Variants in NCF2 observed in about 807,000 individuals in gnomAD.
The protein encoded by NCF2 is neutrophil cytosolic factor 2.
A neutral mutation model predicts 70.9 loss-of-function variants in NCF2; 45 were observed. The observed-to-expected ratio is 0.63, with a 90% CI of 0.50 to 0.81. NCF2 has a LOEUF of 0.81. Among genes scored for constraint, NCF2 ranks in the 40% least tolerant of loss-of-function variants. The pLI is 0.00. For missense variants in NCF2, 522 were observed against 631.6 expected (o/e 0.83, Z 1.86); for synonymous variants, 203 against 233.6 (o/e 0.87, Z 1.19).
chr1:183,595,977 C>T, the NCF2 span, among the ~76,000 whole-genome samples: 1 of 152,082 alleles, frequency 6.6e-6, no homozygotes, highest in Non-Finnish European at 1.5e-5. Context: ...CCTGACTTAC[C>T]AGTGAGATTA....
At chr1:183,558,654 T>C (rs1420462834) in intron 14 of NCF2, among the ~76,000 whole-genome samples, 1 of 152,060 alleles carries the variant, frequency 6.6e-6, no homozygotes, top group African/African-American at 2.4e-5. Context: ...CAACCTCCAC[T>C]CCCGGGTTCA....
chr1:183,562,093 A>G (rs911673451), intron 13 of NCF2, among the ~76,000 whole-genome samples: 2 of 152,106 alleles, frequency 1.3e-5, no homozygotes, highest in African/African-American at 4.8e-5. Flanking sequence ...TGTTGCCTCC[A>G]AAAGTAATGG....
At chr1:183,563,610 A>G in intron 11 of NCF2, 25 bp from the exon 12 acceptor site, 1 of 1,612,044 alleles carries the variant, frequency 6.2e-7, no homozygotes, top group Non-Finnish European at 8.5e-7. Flanking sequence ...AACAAAGGGA[A>G]CTCCTGAGTG....
intron 3 of NCF2, among the ~76,000 whole-genome samples, chr1:183,575,686 C>T (rs1672772832): frequency 6.6e-6 from 1 of 152,270 alleles, no homozygotes; most frequent in East Asian, 1.9e-4. Flanking sequence ...CTGTCTTGCT[C>T]TTGGGTCACT....
intron 2 of NCF2, among the ~76,000 whole-genome samples, chr1:183,585,199 G>A (rs1205646077): frequency 1.3e-5 from 2 of 152,136 alleles, no homozygotes; most frequent in African/African-American, 4.8e-5. Flanking sequence ...AGCCTTTCAG[G>A]GTGGCACAGG....
chr1:183,584,600 C>T (rs919709030), intron 2 of NCF2, among the ~76,000 whole-genome samples: 3 of 152,216 alleles, frequency 2.0e-5, no homozygotes, highest in Non-Finnish European at 4.4e-5. Flanking sequence ...AGCCTTCACT[C>T]TTTTGCCAGT....
In NCF2 at chr1:183,560,272, C is replaced by T; in HGVS notation, c.1292G>A (p.Gly431Asp). 6.2e-7 allele frequency: 1 copy of T among 1,614,114 alleles called. No homozygotes were observed. The highest frequency in any genetic ancestry group is 2.2e-5 in the East Asian group (1 of 44,886). Residue 431 changes from glycine to aspartate, a missense_variant and splice_region_variant, in exon 14 of 15, where the codon GGT becomes GAT. By Grantham distance (94) the Gly-to-Asp change is moderately conservative. Coordinates refer to ENST00000367535, the MANE Select transcript of NCF2 (RefSeq NM_000433.4). Reference sequence around the variant, plus strand: ...GGGTTCATCTGGAAAGCCTTGGTCACCCTGAAATAATAAAGGGCCTGTTAA... The same window carrying T: ...GGGTTCATCTGGAAAGCCTTGGTCATCCTGAAATAATAAAGGGCCTGTTAA... ...CLTLWCENTV[G>D]DQGFPDEPKE...
intron 2 of NCF2, among the ~76,000 whole-genome samples, chr1:183,586,664 C>T (rs1247165270): frequency 6.6e-6 from 1 of 152,158 alleles, no homozygotes; most frequent in East Asian, 1.9e-4. Context: ...TACCTAGGCT[C>T]ATTGTGCCTA....
intron 11 of NCF2, 179 bp downstream of exon 11, chr1:183,563,826 G>A: frequency 1.2e-6 from 1 of 825,888 alleles, no homozygotes; most frequent in South Asian, 1.5e-5. Flanking sequence ...TAGGAAGTGT[G>A]TGCATGATAG....
In NCF2 at chr1:183,565,728, G is replaced by A; in HGVS notation, c.976C>T (p.Pro326Ser). ...DIPAPPSSKA[P>S]GRPQLSPGQK... ...CCTGGTGACAGCTGGGGTCTTCCAG[G>A]GGCTTTGGAACTAGGAGGAGCTGGG... Residue 326 changes from proline to serine, a missense_variant, in exon 10 of 15, where the codon CCT (proline) becomes TCT (serine). By Grantham distance (74) the Pro-to-Ser change is moderately conservative. Coordinates refer to ENST00000367535, the MANE Select transcript of NCF2 (RefSeq NM_000433.4). The A allele has an allele frequency of 6.2e-7, 1 of 1,612,728 alleles. No homozygotes were observed.
chr1:183,593,366 A>C (rs574100338), upstream of NCF2, among the ~76,000 whole-genome samples: 1 of 150,208 alleles, frequency 6.7e-6, no homozygotes, highest in African/African-American at 2.5e-5. Context: ...AGATCACTTC[A>C]TGGCCCCTGT....
chr1:183,588,662 C>T (rs1057019363), intron 1 of NCF2, among the ~76,000 whole-genome samples: 5 of 151,818 alleles, frequency 3.3e-5, no homozygotes, highest in Non-Finnish European at 7.4e-5. Context: ...CAAACTTATA[C>T]ATGAATAGTA....
chr1:183,571,114 C>CT lies in NCF2; in HGVS notation c.610-276dup, dbSNP rs66625837. 0.41 allele frequency among the ~76,000 whole-genome samples: 44,134 copies of CT among 106,838 alleles called. 10,927 individuals carry two copies. The highest frequency in any genetic ancestry group is 0.57 in the East Asian group (2,009 of 3,538). 70.1% of individuals were successfully genotyped at this position (106,838 alleles called of 152,430 possible). A position where few individuals can be genotyped will look rare whatever the true frequency, so the allele number is the denominator to read the frequency against. On this transcript the variant is annotated intron_variant, in intron 5 of 14. Transcript: ENST00000367535. Reference sequence around the variant, plus strand: ...TGCAATTTGTATAACATCAAATTATCTTTTTTTTTTTTTTTTTTTTTGAGA... The same window carrying CT: ...TGCAATTTGTATAACATCAAATTATCTTTTTTTTTTTTTTTTTTTTTTGAGA...
chr1:183,580,978 C>CAAA (rs11414367), intron 2 of NCF2, among the ~76,000 whole-genome samples: 8 of 125,286 alleles, frequency 6.4e-5, no homozygotes, highest in South Asian at 2.5e-4. Flanking sequence ...GACTCCAACT[C>CAAA]AAAAAAAAAA....
chr1:183,574,483 T>C lies in NCF2; in HGVS notation c.501+4A>G. The C allele has an allele frequency of 3.7e-6, 6 of 1,614,160 alleles. No homozygotes were observed. The highest frequency in any genetic ancestry group is 4.2e-6 in the Non-Finnish European group (5 of 1,180,018). ...CTCAACACCTGCATCACCAATACGC[T>C]TACCCAGACACACTCCATCGCCTTG... is the stretch of plus-strand genomic sequence containing the variant. On this transcript the variant is annotated splice_donor_region_variant and intron_variant, in intron 4 of 14. Transcript: ENST00000367535.
At position 183,577,669 on chromosome 1, in the gene NCF2, A is replaced by G. The variant is rs766146068; in HGVS notation, c.296T>C (p.Ile99Thr). The change falls in exon 3 of 15, where the codon ATT becomes ACT. Residue 99 changes from isoleucine (I) to threonine (T), a missense_variant. Coordinates refer to ENST00000367535, the MANE Select transcript of NCF2 (RefSeq NM_000433.4). ...TATCAGCTGGTTCCCTCGAAGCTGA[A>G]TCAAGGCTTCTTTAAGGTCTTTGAT... ...LAIKDLKEAL[I>T]QLRGNQLIDY... The G allele has an allele frequency of 6.2e-7, 1 of 1,614,122 alleles. No individual in the cohort carries two copies. The highest frequency in any genetic ancestry group is 2.2e-5 in the East Asian group (1 of 44,880).
Position 183,574,526 on chromosome 1 carries a change from G to A in NCF2, c.462C>T (p.Pro154=). 1.2e-6 allele frequency: 2 copies of A among 1,614,208 alleles called. No homozygotes were observed. The highest frequency in any genetic ancestry group is 2.7e-5 in the African/African-American group (2 of 75,050). The change falls in exon 4 of 15, where the codon CCC becomes CCT. Residue 154 remains proline, a synonymous_variant. Transcript: ENST00000367535. ...LALATSMKSE[P]RHSKIDKAME... Reference sequence around the variant, plus strand: ...TCGCCTTGTCGATTTTGGAATGTCTGGGCTCAGACTTCATGCTCGTGGCCA... The same window carrying A: ...TCGCCTTGTCGATTTTGGAATGTCTAGGCTCAGACTTCATGCTCGTGGCCA...
At chr1:183,593,081 C>T (rs1558111520), upstream of NCF2, among the ~76,000 whole-genome samples, 1 of 152,048 alleles carries the variant, frequency 6.6e-6, no homozygotes, top group African/African-American at 2.4e-5. Context: ...TCCTTCTCCG[C>T]ACCTCCCATG....
intron 3 of NCF2, among the ~76,000 whole-genome samples, chr1:183,576,629 C>T (rs944315486): frequency 1.2e-4 from 18 of 152,158 alleles, no homozygotes; most frequent in Admixed American, 1.0e-3. Context: ...AGAAGTTGGT[C>T]GAATGGCAGC....
Sources: allele counts gnomAD v4.1 joint callset (sites outside exome capture counted in the v4.1 genomes callset), GRCh38; gene constraint gnomAD v4.1.1; transcripts MANE v1.5; gene names NCBI Gene and HGNC (gene_info 2026-07-23, HGNC 2026-07-21).